PTPN2: variants seen among roughly 807,000 people sequenced by gnomAD.
The protein encoded by PTPN2 is tyrosine-protein phosphatase non-receptor type 2.
Under a neutral mutation model 57.3 loss-of-function variants are expected in PTPN2, and 19 were observed. The ratio of observed to expected loss-of-function variants is 0.33; its 90% confidence interval spans 0.23 to 0.49. The LOEUF is 0.49. Among genes scored for constraint, PTPN2 ranks in the 20% least tolerant of loss-of-function variants. The pLI is 0.99. For missense variants in PTPN2, 358 were observed against 501.1 expected, an observed-to-expected ratio of 0.71 and a Z score of 2.73; for synonymous variants, 153 against 164.9, an observed-to-expected ratio of 0.93 and a Z score of 0.55.
At chr18:12,835,992 T>C (rs1019612567) in intron 3 of PTPN2, among the ~76,000 whole-genome samples, 2 of 152,224 alleles carry the variant, frequency 1.3e-5, no homozygotes, top group Non-Finnish European at 2.9e-5. Flanking sequence ...TAATAGCTCA[T>C]AGTTACATTA....
At chr18:12,840,876 C>A (rs952991112) in intron 2 of PTPN2, 3 of 1,572,732 alleles carry the variant, frequency 1.9e-6, no homozygotes, top group Non-Finnish European at 2.6e-6. Flanking sequence ...CACTTCTGTG[C>A]CGATGCAGTC....
intron 7 of PTPN2, among the ~76,000 whole-genome samples, chr18:12,811,490 TAA>T (rs931980622): frequency 1.3e-4 from 20 of 151,946 alleles, no homozygotes; most frequent in African/African-American, 4.6e-4. Context: ...GAGAGAGAAA[TAA>T]AAGAGATATT....
At chr18:12,828,702 T>C (rs190250750) in intron 4 of PTPN2, among the ~76,000 whole-genome samples, 1 of 152,298 alleles carries the variant, frequency 6.6e-6, no homozygotes, top group Admixed American at 6.5e-5. Flanking sequence ...ATGCATATTG[T>C]TCCTTAGCTT....
chr18:12,818,079 T>G (rs546203900), intron 5 of PTPN2, among the ~76,000 whole-genome samples: 1 of 151,882 alleles, frequency 6.6e-6, no homozygotes, highest in African/African-American at 2.4e-5. Context: ...GAGGTGGAGG[T>G]TGCAGTGAGC....
intron 5 of PTPN2, among the ~76,000 whole-genome samples, chr18:12,820,885 T>C (rs1175108715): frequency 6.6e-6 from 1 of 152,196 alleles, no homozygotes; most frequent in African/African-American, 2.4e-5. Flanking sequence ...ATTCTAAATT[T>C]AAAGTCTTTG....
intron 7 of PTPN2, among the ~76,000 whole-genome samples, chr18:12,803,962 G>A (rs980512844): frequency 2.1e-4 from 32 of 152,016 alleles, no homozygotes; most frequent in African/African-American, 7.5e-4. Context: ...TCTCCATGAT[G>A]GACCATATGT....
At chr18:12,791,220 A>G (rs1386252454), downstream of PTPN2, among the ~76,000 whole-genome samples, 1 of 152,236 alleles carries the variant, frequency 6.6e-6, no homozygotes, top group East Asian at 1.9e-4. Flanking sequence ...AGAACACAGC[A>G]TTAAACCAAA....
chr18:12,835,061 C>T (rs532408093), intron 3 of PTPN2, among the ~76,000 whole-genome samples: 24 of 151,982 alleles, frequency 1.6e-4, no homozygotes, highest in Non-Finnish European at 2.6e-4. Context: ...ACCGTATTTC[C>T]GACCCGTTTT....
At chr18:12,799,587 CA>C (rs2041330938) in intron 8 of PTPN2, among the ~76,000 whole-genome samples, 5 of 142,732 alleles carry the variant, frequency 3.5e-5, no homozygotes, top group Admixed American at 3.4e-4. Flanking sequence ...TCTTCTTTTA[CA>C]TTTTTTTTTT....
chr18:12,807,586 A>AAAAAAAAAAAAAAAAAAAAAATAT, intron 7 of PTPN2, among the ~76,000 whole-genome samples: 3 of 35,198 alleles, frequency 8.5e-5, no homozygotes, highest in Non-Finnish European at 1.8e-4. Flanking sequence ...AAAAAAAAAA[A>AAAAAAAAAAAAAAAAAAAAAATAT]ATATATATAT....
At chr18:12,791,370 AT>A (rs1296584138), downstream of PTPN2, among the ~76,000 whole-genome samples, 1 of 152,220 alleles carries the variant, frequency 6.6e-6, no homozygotes, top group African/African-American at 2.4e-5. Context: ...AAGTCAAAGT[AT>A]ATATCTGACT....
intron 3 of PTPN2, among the ~76,000 whole-genome samples, chr18:12,834,722 A>T (rs75473574): frequency 1.4e-5 from 2 of 143,384 alleles, no homozygotes; most frequent in Non-Finnish European, 1.5e-5. Flanking sequence ...AGACTGGAGG[A>T]GAAAAAAAAA....
intron 5 of PTPN2, among the ~76,000 whole-genome samples, chr18:12,821,616 C>T (rs142787764): frequency 2.0e-5 from 3 of 152,282 alleles, no homozygotes; most frequent in Non-Finnish European, 2.9e-5. Flanking sequence ...GTGGCAGAAA[C>T]GGCTAGGGAC....
intron 5 of PTPN2, among the ~76,000 whole-genome samples, chr18:12,822,955 A>G (rs1453762541): frequency 1.3e-5 from 2 of 152,176 alleles, no homozygotes; most frequent in Non-Finnish European, 1.5e-5. Flanking sequence ...TATAGATGAT[A>G]AAACAGGTAC....
intron 1 of PTPN2, among the ~76,000 whole-genome samples, chr18:12,860,632 A>G (rs1041726406): frequency 5.3e-4 from 79 of 149,376 alleles, no homozygotes; most frequent in African/African-American, 1.8e-3. Flanking sequence ...CCTGGTGACG[A>G]GCGCCTGTAA....
intron 5 of PTPN2, 30 bp from the exon 6 acceptor site, chr18:12,817,395 G>A (rs1429014456): frequency 1.3e-6 from 2 of 1,558,378 alleles, no homozygotes; most frequent in East Asian, 4.5e-5. Context: ...GGAGAAGTTA[G>A]TTCTAACTTT....
At chr18:12,815,955 C>T (rs369347450) in intron 6 of PTPN2, among the ~76,000 whole-genome samples, 2 of 152,148 alleles carry the variant, frequency 1.3e-5, no homozygotes, top group Non-Finnish European at 2.9e-5. Flanking sequence ...AGCATAGCTA[C>T]GTTTTACAGA....
chr18:12,835,202 C>T (rs1290283853), intron 3 of PTPN2, among the ~76,000 whole-genome samples: 26 of 151,768 alleles, frequency 1.7e-4, no homozygotes. Flanking sequence ...TACAAATGCA[C>T]ATAAAAAAAA....
intron 7 of PTPN2, among the ~76,000 whole-genome samples, chr18:12,808,118 G>C (rs1042816517): frequency 7.2e-5 from 11 of 152,026 alleles, no homozygotes; most frequent in Admixed American, 6.6e-4. Context: ...AGGAGGCGGA[G>C]GCTACAGTGA....
Sources: gnomAD v4.1 joint callset for allele counts (sites outside exome capture counted in the v4.1 genomes callset) on GRCh38, gnomAD v4.1.1 for gene constraint, MANE v1.5 for transcripts, NCBI Gene and HGNC (gene_info 2026-07-23, HGNC 2026-07-21) for gene names.